Variants in PAFAH1B1 observed in about 807,000 individuals in gnomAD.
The protein encoded by PAFAH1B1 is platelet activating factor acetylhydrolase 1b regulatory subunit 1, also known as platelet-activating factor acetylhydrolase IB subunit beta.
A neutral mutation model predicts 57.5 loss-of-function variants in PAFAH1B1; 2 were observed. The observed-to-expected ratio is 0.03, with a 90% CI of 0.01 to 0.11. The LOEUF (loss-of-function observed/expected upper bound fraction) is 0.11. Among genes scored for constraint, PAFAH1B1 ranks in the 10% least tolerant of loss-of-function variants. The pLI is 1.00. For missense variants in PAFAH1B1, 257 were observed against 512.0 expected (o/e 0.50, Z 4.81); for synonymous variants, 152 against 169.6 (o/e 0.90, Z 0.81).
At chr17:2,671,688 C>T (rs752773207) in intron 6 of PAFAH1B1, among the ~76,000 whole-genome samples, 5 of 150,524 alleles carry the variant, frequency 3.3e-5, no homozygotes, top group Non-Finnish European at 5.9e-5. Flanking sequence ...CTGCAACCTC[C>T]ACCTCCCAGG....
At chr17:2,597,320 CTAGTG>C (rs1437462994) in intron 1 of PAFAH1B1, among the ~76,000 whole-genome samples, 1 of 149,416 alleles carries the variant, frequency 6.7e-6, no homozygotes, top group African/African-American at 2.5e-5. Context: ...TAAAATATCT[CTAGTG>C]TAAAGAGATT....
intron 2 of PAFAH1B1, among the ~76,000 whole-genome samples, chr17:2,660,086 T>TG (rs2068994546): frequency 6.6e-6 from 1 of 152,094 alleles, no homozygotes; most frequent in Non-Finnish European, 1.5e-5. Context: ...TGATACTGCC[T>TG]GGTCTTTTGT....
chr17:2,664,925 T>C (rs1052413387), intron 2 of PAFAH1B1, among the ~76,000 whole-genome samples: 2 of 152,292 alleles, frequency 1.3e-5, no homozygotes, highest in South Asian at 4.1e-4. Context: ...GAAAATACTT[T>C]AGTTTTCTCA....
rs537696018 is a variant in PAFAH1B1, at chr17:2,684,064, A to T, written c.*2262A>T. On this transcript the variant is annotated 3_prime_UTR_variant, in exon 11 of 11. Coordinates refer to ENST00000397195, the MANE Select transcript of PAFAH1B1 (RefSeq NM_000430.4). ...GTTGACAAAGGAGGAGGAAACGATT[A>T]CTCTGTAAACAAAGTTATCCTTACT... 4.6e-5 allele frequency: 7 copies of T among 152,738 alleles called. No individual in the cohort carries two copies. Among genetic ancestry groups the T allele is most frequent in the South Asian group, 2.1e-4 (1 of 4,824 alleles). 9.5% of individuals were successfully genotyped at this position (152,738 alleles called of 1,614,324 possible).
intron 2 of PAFAH1B1, among the ~76,000 whole-genome samples, chr17:2,638,896 G>A (rs757245471): frequency 5.4e-5 from 8 of 149,142 alleles, no homozygotes; most frequent in Admixed American, 2.7e-4. Flanking sequence ...TTTACCCTAA[G>A]CTTATTTTTA....
At chr17:2,623,800 G>A (rs1597528331) in intron 1 of PAFAH1B1, among the ~76,000 whole-genome samples, 1 of 114,344 alleles carries the variant, frequency 8.7e-6, no homozygotes, top group African/African-American at 3.3e-5. Flanking sequence ...CACCACTCCT[G>A]GCTAATTTTT....
intron 7 of PAFAH1B1, among the ~76,000 whole-genome samples, chr17:2,672,966 G>A (rs1385616578): frequency 6.6e-6 from 1 of 152,128 alleles, no homozygotes; most frequent in Admixed American, 6.5e-5. Context: ...TACTTGGGAG[G>A]CTGAGACAGG....
intron 2 of PAFAH1B1, among the ~76,000 whole-genome samples, chr17:2,648,184 ATTAGATC>A (rs2068794562): frequency 6.6e-6 from 1 of 152,102 alleles, no homozygotes; most frequent in African/African-American, 2.4e-5. Context: ...TTATTAAGCC[ATTAGATC>A]TCATGAGAGC....
intron 1 of PAFAH1B1, among the ~76,000 whole-genome samples, chr17:2,632,116 A>G (rs1477966524): frequency 2.0e-5 from 3 of 152,106 alleles, no homozygotes; most frequent in Admixed American, 6.6e-5. Context: ...TTTTGTAGAG[A>G]TGGGGTCTTG....
At chr17:2,638,604 T>C (rs1297998515) in intron 2 of PAFAH1B1, 2 of 337,576 alleles carry the variant, frequency 5.9e-6, no homozygotes, top group Non-Finnish European at 1.1e-5. Flanking sequence ...GCCTCCCAGG[T>C]TCAAGCTATT....
At chr17:2,663,613 G>A (rs538527689) in intron 2 of PAFAH1B1, among the ~76,000 whole-genome samples, 3 of 151,744 alleles carry the variant, frequency 2.0e-5, no homozygotes, top group East Asian at 2.0e-4. Context: ...CCTTGCTGAA[G>A]TTAAAGGTTC....
At chr17:2,615,627 G>A (rs1004262965) in intron 1 of PAFAH1B1, among the ~76,000 whole-genome samples, 5 of 152,124 alleles carry the variant, frequency 3.3e-5, no homozygotes, top group African/African-American at 9.7e-5. Context: ...TTTTAGTAGA[G>A]ACAGGGTTTC....
At chr17:2,653,731 T>A (rs1006799239) in intron 2 of PAFAH1B1, among the ~76,000 whole-genome samples, 1 of 152,150 alleles carries the variant, frequency 6.6e-6, no homozygotes, top group Non-Finnish European at 1.5e-5. Context: ...AAATTTCAGA[T>A]GGTTATATTT....
chr17:2,673,407 AGGC>A lies in PAFAH1B1; in HGVS notation c.672-650_672-648del, dbSNP rs113296920. ...GTAATCCCAGCACTTTGGGAGGCAG[AGGC>A]GGGCGGATCATGAGGTCAGGAGATC... On this transcript the variant is annotated intron_variant, in intron 7 of 10. Coordinates refer to ENST00000397195, the MANE Select transcript of PAFAH1B1 (RefSeq NM_000430.4). Among the ~76,000 whole-genome samples, 169 of 152,282 alleles carry A rather than the reference AGGC, an allele frequency of 1.1e-3. 2 individuals carry two copies. The highest frequency in any genetic ancestry group is 4.0e-3 in the African/African-American group (165 of 41,572).
chr17:2,655,979 A>G, intron 2 of PAFAH1B1, among the ~76,000 whole-genome samples: 1 of 152,056 alleles, frequency 6.6e-6, no homozygotes, highest in Non-Finnish European at 1.5e-5. Flanking sequence ...GCTGGAGTGC[A>G]GTGGCACGAT....
chr17:2,619,544 T>TTG (rs2068392527), intron 1 of PAFAH1B1, among the ~76,000 whole-genome samples: 1 of 103,076 alleles, frequency 9.7e-6, no homozygotes. Context: ...CTGTTTTTTT[T>TTG]TTGTTTTTTT....
intron 2 of PAFAH1B1, among the ~76,000 whole-genome samples, chr17:2,644,690 C>A (rs2068743667): frequency 6.6e-6 from 1 of 152,096 alleles, no homozygotes; most frequent in Admixed American, 6.5e-5. Context: ...TAATACATAA[C>A]CCTGCATATG....
chr17:2,675,665 CTAA>C (rs1464164274), intron 8 of PAFAH1B1, among the ~76,000 whole-genome samples: 8 of 150,056 alleles, frequency 5.3e-5, no homozygotes, highest in African/African-American at 1.7e-4. Context: ...CACCACTATA[CTAA>C]TGACGGAAAA....
intron 2 of PAFAH1B1, among the ~76,000 whole-genome samples, chr17:2,663,309 A>C (rs1294634265): frequency 6.6e-6 from 1 of 152,180 alleles, no homozygotes; most frequent in Admixed American, 6.6e-5. Flanking sequence ...ACTCTAGGTC[A>C]ACAACTGAGA....
Sources: gnomAD v4.1 joint callset for allele counts (sites outside exome capture counted in the v4.1 genomes callset) on GRCh38, gnomAD v4.1.1 for gene constraint, MANE v1.5 for transcripts, NCBI Gene and HGNC (gene_info 2026-07-23, HGNC 2026-07-21) for gene names.